Variants in RICTOR observed in about 807,000 individuals in gnomAD.
RICTOR encodes the protein rapamycin-insensitive companion of mTOR.
RICTOR carries 49 observed loss-of-function variants against 214.9 expected under a neutral mutation model. That is an observed-to-expected ratio of 0.23 (90% CI 0.18 to 0.29). The LOEUF is 0.29. Ranked by LOEUF, RICTOR falls within the 10% of genes least tolerant of loss-of-function variation. The probability of loss-of-function intolerance (pLI) is 1.00; values close to 1 mark genes in which losing one functional copy is unlikely to be tolerated. For missense variants in RICTOR, 1,625 were observed against 2,047.0 expected (o/e 0.79, Z 3.98); for synonymous variants, 717 against 711.3 (o/e 1.01, Z -0.13).
At chr5:38,946,585 C>A (rs2112822904) in intron 32 of RICTOR, 33 bp from the exon 33 acceptor site, 1 of 1,344,728 alleles carries the variant, frequency 7.4e-7, no homozygotes. Flanking sequence ...GTAAGTCCTG[C>A]TATAAAAATA....
Position 38,954,871 on chromosome 5 carries a change from T to TA in RICTOR, c.2610-11dup, listed in dbSNP as rs903916188. The TA allele has an allele frequency of 1.4e-6, 2 of 1,386,368 alleles. No homozygotes were observed. Among genetic ancestry groups the TA allele is most frequent in the African/African-American group, 2.9e-5 (2 of 69,696 alleles). The allele number at this position is 1,386,368 out of a possible 1,614,324, so 85.9% of individuals were successfully genotyped here. Reference sequence around the variant, plus strand: ...GTGAGGACGCTGTAATCTAGTATAATAAAGATGATTACTATATCTCTTGGC... The same window carrying TA: ...GTGAGGACGCTGTAATCTAGTATAATAAAAGATGATTACTATATCTCTTGGC... On this transcript the variant is annotated splice_polypyrimidine_tract_variant and intron_variant, in intron 26 of 37. Transcript: ENST00000357387.
chr5:38,949,698 A>G lies in RICTOR; in HGVS notation c.4136+14T>C, dbSNP rs1748543943. ...CAACCATTATTGGTCACTTCTAAAC[A>G]TATATTTGCTTACCTGCTTGGTGTT... On this transcript the variant is annotated intron_variant, in intron 31 of 37. Transcript: ENST00000357387. 2 of 1,604,884 alleles carry G rather than the reference A, an allele frequency of 1.2e-6. No individual in the cohort carries two copies. The highest frequency in any genetic ancestry group is 1.7e-4 in the Middle Eastern group (1 of 6,008).
At chr5:39,024,311 G>C (rs1047521357) in intron 2 of RICTOR, among the ~76,000 whole-genome samples, 1 of 152,132 alleles carries the variant, frequency 6.6e-6, no homozygotes, top group African/African-American at 2.4e-5. Flanking sequence ...TTTATACTTA[G>C]AGATTTTGGG....
In RICTOR at chr5:38,941,685, T is replaced by A. The variant is rs1346820353; in HGVS notation, c.*619A>T. 1 of 232,348 alleles carries A rather than the reference T, an allele frequency of 4.3e-6. No individual in the cohort carries two copies. The highest frequency in any genetic ancestry group is 8.5e-6 in the Non-Finnish European group (1 of 117,310). The allele number at this position is 232,348 out of a possible 1,614,324, so 14.4% of individuals were successfully genotyped here. A position where few individuals can be genotyped will look rare whatever the true frequency, so the allele number is the denominator to read the frequency against. On this transcript the variant is annotated 3_prime_UTR_variant, in exon 38 of 38. Coordinates refer to ENST00000357387, the MANE Select transcript of RICTOR (RefSeq NM_152756.5). ...AACAAGAATCTTTATGCAAGTCTAG[T>A]AACATAAAAATAACTTATAAGTCCC...
intron 7 of RICTOR, among the ~76,000 whole-genome samples, chr5:38,990,665 A>AGATATATCACATATAT (rs1561501921): frequency 2.3e-4 from 2 of 8,778 alleles, no homozygotes; most frequent in South Asian, 3.7e-3. Flanking sequence ...GATATATATC[A>AGATATATCACATATAT]GATATATATC....
chr5:38,958,492 T>G lies in RICTOR; in HGVS notation c.2371A>C (p.Lys791Gln). The change falls in exon 24 of 38, where the codon AAA (lysine) becomes CAA (glutamine). Residue 791 changes from lysine to glutamine, a missense_variant. Transcript: ENST00000357387. ...TCTCCAAGGTGGGATAACGCTGGTT[T>G]CATCTGAATGAGAGCATGAAGATTG... ...KANLHALIQMKPALSHLGDKG... is the reference protein window; with the variant it reads ...KANLHALIQMQPALSHLGDKG... 6.2e-7 allele frequency: 1 copy of G among 1,612,670 alleles called. No homozygotes were observed. The highest frequency in any genetic ancestry group is 8.5e-7 in the Non-Finnish European group (1 of 1,178,870).
intron 25 of RICTOR, 28 bp from the exon 26 acceptor site, chr5:38,955,732 C>T: frequency 1.7e-6 from 2 of 1,189,074 alleles, no homozygotes; most frequent in Non-Finnish European, 2.5e-6. Flanking sequence ...TTTAATTGCA[C>T]ATAGTATCAC....
At chr5:39,054,595 C>A (rs1448311693) in intron 2 of RICTOR, among the ~76,000 whole-genome samples, 1 of 152,156 alleles carries the variant, frequency 6.6e-6, no homozygotes, top group Non-Finnish European at 1.5e-5. Context: ...TTATATAAGG[C>A]TAAGAAGTCC....
At chr5:39,037,607 T>G (rs1157390118) in intron 2 of RICTOR, among the ~76,000 whole-genome samples, 1 of 152,028 alleles carries the variant, frequency 6.6e-6, no homozygotes, top group African/African-American at 2.4e-5. Flanking sequence ...AAGAATCAAA[T>G]AGACGCAATA....
chr5:38,958,897 A>AC (rs1354878291), intron 22 of RICTOR, 66 bp from the exon 23 acceptor site: 2 of 1,150,922 alleles, frequency 1.7e-6, no homozygotes, highest in East Asian at 5.5e-5. Context: ...ATTTGATTTT[A>AC]TTTTGGGATA....
At chr5:38,981,271 A>G (rs1382650938) in intron 8 of RICTOR, 2 of 152,098 alleles carry the variant, frequency 1.3e-5, no homozygotes, top group Non-Finnish European at 1.5e-5. Flanking sequence ...ACAATGCAAT[A>G]CATGCACACG....
At chr5:38,962,392 T>G in intron 18 of RICTOR, 31 bp from the exon 19 acceptor site, 1 of 1,206,954 alleles carries the variant, frequency 8.3e-7, no homozygotes. Flanking sequence ...ATATTACATA[T>G]GTACTTATCA....
rs1156626164 is a variant in RICTOR at position 38,990,583 on chromosome 5, T to C, written c.583+366A>G. Among the ~76,000 whole-genome samples, 2 of 144,902 alleles carry C rather than the reference T, an allele frequency of 1.4e-5. 1 individual carries two copies. Among genetic ancestry groups the C allele is most frequent in the Non-Finnish European group, 3.0e-5 (2 of 66,758 alleles). On this transcript the variant is annotated intron_variant, in intron 7 of 37. Transcript: ENST00000357387. Reference sequence around the variant, plus strand: ...ATATATACACGATATATATGATATATACATGATATATACGATATATATGAT... The same window carrying C: ...ATATATACACGATATATATGATATACACATGATATATACGATATATATGAT...
chr5:38,952,541 G>A lies in RICTOR; in HGVS notation c.2898-116C>T. 5.6e-6 allele frequency: 3 copies of A among 540,350 alleles called. No individual in the cohort carries two copies. The East Asian group carries it at 9.6e-5, about 17-fold the overall frequency. The allele number at this position is 540,350 out of a possible 1,614,324, so 33.5% of individuals were successfully genotyped here. A position where few individuals can be genotyped will look rare whatever the true frequency, so the allele number is the denominator to read the frequency against. ...ACTTTCTCTAAAACCCACCAAAATG[G>A]TTGCGTTTGTGGAAAAAAAAAAACT... On this transcript the variant is annotated intron_variant, in intron 29 of 37. Transcript: ENST00000357387.
intron 2 of RICTOR, among the ~76,000 whole-genome samples, chr5:39,064,853 G>C (rs1348685158): frequency 6.6e-6 from 1 of 152,198 alleles, no homozygotes; most frequent in African/African-American, 2.4e-5. Flanking sequence ...AGTGATATGT[G>C]AGAATTACAA....
intron 2 of RICTOR, among the ~76,000 whole-genome samples, chr5:39,050,010 T>C (rs1393285905): frequency 6.6e-6 from 1 of 152,048 alleles, no homozygotes; most frequent in Admixed American, 6.5e-5. Context: ...ACTCAAAGAC[T>C]TGAAATACTT....
rs2150105765 is a variant in RICTOR at position 39,002,623 on chromosome 5, C to T, written c.304G>A (p.Ala102Thr). The stretch of plus-strand genomic sequence containing the variant: ...AGATATCGAAGCGCTCGTAGCCCTG[C>T]TGCTCGCACTTCTTTTGCTTCATTT... The part of the protein sequence containing the change: ...LLNEAKEVRA[A>T]GLRALRYLIQ... Residue 102 changes from alanine to threonine, a missense_variant, in exon 5 of 38, where the codon GCA (alanine) becomes ACA (threonine). Coordinates refer to ENST00000357387, the MANE Select transcript of RICTOR (RefSeq NM_152756.5). 6.2e-7 allele frequency: 1 copy of T among 1,609,872 alleles called. No individual in the cohort carries two copies. The highest frequency in any genetic ancestry group is 8.5e-7 in the Non-Finnish European group (1 of 1,178,068).
Position 38,943,233 on chromosome 5 carries a change from G to A in RICTOR, c.4914-262C>T, listed in dbSNP as rs543923650. ...TTGAAGCATTCTTTTTTATTGGCAT[G>A]AGAAATTGCAAAATATATTTATCAG... On this transcript the variant is annotated intron_variant, in intron 36 of 37. Coordinates refer to ENST00000357387, the MANE Select transcript of RICTOR (RefSeq NM_152756.5). 1.8e-4 allele frequency: 62 copies of A among 341,792 alleles called. 1 individual carries two copies. The highest frequency in any genetic ancestry group is 1.2e-3 in the African/African-American group (57 of 48,304). The allele number at this position is 341,792 out of a possible 1,614,324, so 21.2% of individuals were successfully genotyped here. A position where few individuals can be genotyped will look rare whatever the true frequency, so the allele number is the denominator to read the frequency against.
At position 38,939,909 on chromosome 5, in the gene RICTOR, A is replaced by AT. The variant is rs1383327275; in HGVS notation, c.*2394dup. 1 of 227,572 alleles carries AT rather than the reference A, an allele frequency of 4.4e-6. No individual in the cohort carries two copies. The highest frequency in any genetic ancestry group is 8.7e-6 in the Non-Finnish European group (1 of 114,414). The allele number at this position is 227,572 out of a possible 1,614,324, so 14.1% of individuals were successfully genotyped here. The stretch of plus-strand genomic sequence containing the variant: ...AAGTTAATCACTTGGCACTGCATGT[A>AT]TTTTTCACCATAAAGTCTACTTTTT... On this transcript the variant is annotated 3_prime_UTR_variant, in exon 38 of 38. Coordinates refer to ENST00000357387, the MANE Select transcript of RICTOR (RefSeq NM_152756.5).
Sources: allele counts gnomAD v4.1 joint callset (sites outside exome capture counted in the v4.1 genomes callset), GRCh38; gene constraint gnomAD v4.1.1; transcripts MANE v1.5; gene names NCBI Gene and HGNC (gene_info 2026-07-23, HGNC 2026-07-21).